The following HIGD1A variants were observed in gnomAD, a reference collection of about 807,000 sequenced individuals.
HIGD1A encodes HIG1 hypoxia inducible domain family member 1A.
Under a neutral mutation model 11.3 loss-of-function variants are expected in HIGD1A, and 8 were observed. The ratio of observed to expected loss-of-function variants is 0.71; its 90% confidence interval spans 0.42 to 1.28. The LOEUF is 1.28. HIGD1A is among the 50% of genes most tolerant of loss of function. The pLI is 0.01. For synonymous variants in HIGD1A, 32 were observed against 38.4 expected (o/e 0.83, Z 0.62); for missense variants, 107 against 118.8 (o/e 0.90, Z 0.46).
chr3:42,787,594 A>AATATATATATATATATATATATAT (rs1163603645), intron 2 of HIGD1A, among the ~76,000 whole-genome samples: 46 of 141,214 alleles, frequency 3.3e-4, no homozygotes, highest in African/African-American at 1.2e-3. Flanking sequence ...CCATCTCAAA[A>AATATATATATATATATATATATAT]ATATATATAT....
intron 1 of HIGD1A, among the ~76,000 whole-genome samples, chr3:42,803,645 G>A (rs1476069752): frequency 1.3e-5 from 2 of 152,218 alleles, no homozygotes; most frequent in African/African-American, 4.8e-5. Flanking sequence ...CGGAAGCAGG[G>A]ATCCCTGTCG....
At chr3:42,789,806 C>T (rs940774223) in intron 2 of HIGD1A, among the ~76,000 whole-genome samples, 1 of 152,028 alleles carries the variant, frequency 6.6e-6, no homozygotes, top group Non-Finnish European at 1.5e-5. Context: ...ACCACAGCTT[C>T]GACCTCCCAG....
chr3:42,800,853 G>A (rs1053356570), intron 1 of HIGD1A, among the ~76,000 whole-genome samples: 1 of 151,114 alleles, frequency 6.6e-6, no homozygotes, highest in East Asian at 1.9e-4. Context: ...AAGTATCTCC[G>A]TTTATTCTGT....
chr3:42,787,624 T>TATATATATATATATA (rs1700369374), intron 2 of HIGD1A, among the ~76,000 whole-genome samples: 1 of 145,672 alleles, frequency 6.9e-6, no homozygotes, highest in African/African-American at 2.5e-5. Context: ...TATATATAAA[T>TATATATATATATATA]TTTTAAAGTC....
At chr3:42,789,548 C>T (rs1167463046) in intron 2 of HIGD1A, among the ~76,000 whole-genome samples, 1 of 121,686 alleles carries the variant, frequency 8.2e-6, no homozygotes, top group Non-Finnish European at 1.7e-5. Context: ...AAAGAATTCA[C>T]TGGAAGAACA....
chr3:42,787,767 A>C (rs1413570723), intron 2 of HIGD1A, among the ~76,000 whole-genome samples: 2 of 150,952 alleles, frequency 1.3e-5, no homozygotes, highest in Non-Finnish European at 3.0e-5. Context: ...CAACAGAATA[A>C]GAAGCCCCAA....
rs1356800098 is a variant in HIGD1A at position 42,794,144 on chromosome 3, C to G, written c.97+13G>C. The G allele has an allele frequency of 1.3e-6, 2 of 1,598,204 alleles. No homozygotes were observed. The highest frequency in any genetic ancestry group is 1.7e-6 in the Non-Finnish European group (2 of 1,175,546). On this transcript the variant is annotated intron_variant, in intron 2 of 3. Coordinates refer to ENST00000321331, the MANE Select transcript of HIGD1A (RefSeq NM_014056.4). ...ACCATATTCAAGACTACTAAAATGT[C>G]AGTCAAACTTACCAACGGGTACGAA...
At chr3:42,786,440 C>T (rs947978286) in intron 2 of HIGD1A, among the ~76,000 whole-genome samples, 1 of 152,110 alleles carries the variant, frequency 6.6e-6, no homozygotes, top group Non-Finnish European at 1.5e-5. Context: ...TTAACAGGAA[C>T]CTAGATTATG....
At position 42,785,033 on chromosome 3, in the gene HIGD1A, A is replaced by G. The variant is rs190155115; in HGVS notation, c.*238T>C. ...CATTTCAACACCATCAAGTGCATTT[A>G]GGTGACATGTTTAAGTTAACTTGAC... On this transcript the variant is annotated 3_prime_UTR_variant, in exon 4 of 4. Coordinates refer to ENST00000321331, the MANE Select transcript of HIGD1A (RefSeq NM_014056.4). The G allele has an allele frequency of 4.4e-6, 2 of 452,618 alleles. No individual in the cohort carries two copies. The highest frequency in any genetic ancestry group is 7.9e-5 in the Admixed American group (2 of 25,416). 28.0% of individuals were successfully genotyped at this position (452,618 alleles called of 1,614,324 possible). A position where few individuals can be genotyped will look rare whatever the true frequency, so the allele number is the denominator to read the frequency against.
chr3:42,792,587 T>A (rs1700437177), intron 2 of HIGD1A, among the ~76,000 whole-genome samples: 1 of 150,332 alleles, frequency 6.7e-6, no homozygotes, highest in Non-Finnish European at 1.5e-5. Flanking sequence ...GGCAGGAGAA[T>A]GGCGTGAACT....
At chr3:42,804,154 C>T in intron 1 of HIGD1A, 1 of 1,609,452 alleles carries the variant, frequency 6.2e-7, no homozygotes, top group Non-Finnish European at 8.5e-7. Context: ...AGCGAGTCTT[C>T]CCCGCTCGGC....
At chr3:42,800,868 T>C (rs1372958736) in intron 1 of HIGD1A, among the ~76,000 whole-genome samples, 1 of 152,214 alleles carries the variant, frequency 6.6e-6, no homozygotes, top group Non-Finnish European at 1.5e-5. Flanking sequence ...TTCTGTTTAT[T>C]TGGAGGTTTG....
Position 42,804,421 on chromosome 3 carries a change from G to C in HIGD1A, c.-23+15C>G, listed in dbSNP as rs1310618102. ...CGAGTCCCTGGCTCGCAGTCCCCCGGCTTGTTTCGCTTACCTAGAGCGAGA... is the reference window on the plus strand; with the variant it reads ...CGAGTCCCTGGCTCGCAGTCCCCCGCCTTGTTTCGCTTACCTAGAGCGAGA... On this transcript the variant is annotated intron_variant, in intron 1 of 3. Transcript: ENST00000321331. 3 of 498,736 alleles carry C rather than the reference G, an allele frequency of 6.0e-6. No homozygotes were observed. The highest frequency in any genetic ancestry group is 1.1e-5 in the Non-Finnish European group (3 of 281,578). The allele number at this position is 498,736 out of a possible 1,614,324, so 30.9% of individuals were successfully genotyped here. A position where few individuals can be genotyped will look rare whatever the true frequency, so the allele number is the denominator to read the frequency against.
intron 1 of HIGD1A, among the ~76,000 whole-genome samples, chr3:42,800,326 CA>C (rs1442377194): frequency 6.7e-6 from 1 of 148,858 alleles, no homozygotes; most frequent in Non-Finnish European, 1.5e-5. Flanking sequence ...GACTCTGTCT[CA>C]AATTTTAAAA....
intron 2 of HIGD1A, among the ~76,000 whole-genome samples, chr3:42,791,325 T>C (rs534445434): frequency 5.3e-5 from 8 of 152,176 alleles, no homozygotes; most frequent in Non-Finnish European, 1.0e-4. Context: ...CCCAGGATCA[T>C]GAAGGCCTTG....
rs1184243651 is a variant in HIGD1A, at chr3:42,783,704, G to A, written c.*1567C>T. ...AACTGGTTAGTAGAGGAGGAGGGAA[G>A]GAAGAAATATGCTAGGCTTAAATAT... On this transcript the variant is annotated 3_prime_UTR_variant, in exon 4 of 4. Transcript: ENST00000321331. Among the ~76,000 whole-genome samples the A allele has an allele frequency of 6.6e-6, 1 of 152,068 alleles. No individual in the cohort carries two copies. The highest frequency in any genetic ancestry group is 6.6e-5 in the Admixed American group (1 of 15,254).
At chr3:42,786,503 C>G (rs1316943469) in intron 2 of HIGD1A, among the ~76,000 whole-genome samples, 1 of 152,130 alleles carries the variant, frequency 6.6e-6, no homozygotes, top group African/African-American at 2.4e-5. Context: ...TGAATTTATT[C>G]CATTTCCTCT....
At chr3:42,800,742 G>T (rs542035801) in intron 1 of HIGD1A, among the ~76,000 whole-genome samples, 1 of 151,700 alleles carries the variant, frequency 6.6e-6, no homozygotes, top group Non-Finnish European at 1.5e-5. Context: ...TCAACAAAAG[G>T]TCTTGGACTA....
At chr3:42,791,464 C>G (rs184011337) in intron 2 of HIGD1A, among the ~76,000 whole-genome samples, 4 of 152,186 alleles carry the variant, frequency 2.6e-5, no homozygotes, top group Admixed American at 2.6e-4. Context: ...GCCTGAATGA[C>G]CAATACATAT....
Sources: allele counts gnomAD v4.1 joint callset (sites outside exome capture counted in the v4.1 genomes callset), GRCh38; gene constraint gnomAD v4.1.1; transcripts MANE v1.5; gene names NCBI Gene and HGNC (gene_info 2026-07-23, HGNC 2026-07-21).